The following ADH1A variants were observed in gnomAD, a reference collection of about 807,000 sequenced individuals.
ADH1A encodes the protein alcohol dehydrogenase 1A.
Under a neutral mutation model 35.2 loss-of-function variants are expected in ADH1A, and 29 were observed. The observed-to-expected ratio is 0.82, with a 90% CI of 0.61 to 1.12. The LOEUF (loss-of-function observed/expected upper bound fraction) is 1.12, where lower values mean the gene tolerates loss of function less well. Among genes scored for constraint, ADH1A ranks in the 50% most tolerant of loss-of-function variants. The pLI is 0.00. For missense variants in ADH1A, 469 were observed against 464.7 expected (o/e 1.01, Z -0.09); for synonymous variants, 147 against 164.8 (o/e 0.89, Z 0.83).
At chr4:99,285,634 T>G (rs1733132070) in intron 3 of ADH1A, among the ~76,000 whole-genome samples, 1 of 152,170 alleles carries the variant, frequency 6.6e-6, no homozygotes. Flanking sequence ...TATTAATTTA[T>G]TACTACTAAA....
chr4:99,284,768 C>T lies in ADH1A; in HGVS notation c.295G>A (p.Gly99Arg), dbSNP rs1426875231. Reference sequence around the variant, plus strand: ...GGGTTTTTACAAATTCTGCATTTTCCACACTGAGGAATAGCGAGTGGGATG... The same window carrying T: ...GGGTTTTTACAAATTCTGCATTTTCTACACTGAGGAATAGCGAGTGGGATG... ...KVIPLAIPQCGKCRICKNPES... is the reference protein window; with the variant it reads ...KVIPLAIPQCRKCRICKNPES... The change falls in exon 4 of 9, where the codon GGA becomes AGA. Residue 99 changes from glycine to arginine, a missense_variant. Transcript: ENST00000209668. 3.1e-6 allele frequency: 5 copies of T among 1,614,044 alleles called. No individual in the cohort carries two copies. The highest frequency in any genetic ancestry group is 1.6e-4 in the Middle Eastern group (1 of 6,070).
chr4:99,287,259 G>A (rs1254298554), intron 2 of ADH1A, among the ~76,000 whole-genome samples: 1 of 152,110 alleles, frequency 6.6e-6, no homozygotes, highest in Non-Finnish European at 1.5e-5. Flanking sequence ...AAGAATGCAT[G>A]CCTTTAAAAA....
chr4:99,286,668 G>A (rs1560518961), intron 3 of ADH1A, 182 bp downstream of exon 3: 16 of 971,548 alleles, frequency 1.6e-5, no homozygotes, highest in South Asian at 8.3e-5. Flanking sequence ...GAATACATGC[G>A]TGCCTAAAGA....
At chr4:99,288,997 G>C (rs764980682) in intron 1 of ADH1A, among the ~76,000 whole-genome samples, 2 of 151,916 alleles carry the variant, frequency 1.3e-5, no homozygotes, top group African/African-American at 4.8e-5. Flanking sequence ...AGTTCCCAAA[G>C]TTCATGATAT....
Position 99,284,622 on chromosome 4 carries a change from G to C in ADH1A, c.348-4C>G, listed in dbSNP as rs1733097845. 1.1e-5 allele frequency: 17 copies of C among 1,614,146 alleles called. No individual in the cohort carries two copies. Among genetic ancestry groups the C allele is most frequent in the African/African-American group, 1.3e-5 (1 of 75,058 alleles). On this transcript the variant is annotated splice_polypyrimidine_tract_variant and splice_region_variant and intron_variant, in intron 4 of 8. Coordinates refer to ENST00000209668, the MANE Select transcript of ADH1A (RefSeq NM_000667.4). ...GGTCCCCTGAGGATTGCTTACACTG[G>C]ACAGTGCAATACAAAGACACACAAA...
Position 99,282,433 on chromosome 4 carries a change from G to T in ADH1A, c.741C>A (p.Tyr247Ter), listed in dbSNP as rs990718018. The change falls in exon 6 of 9, where the codon TAC becomes TAA. Residue 247 changes from tyrosine to a stop codon, truncating the protein, a stop_gained. Transcript: ENST00000209668. LOFTEE classifies it high-confidence loss of function. ...TTAGCACCTCCTGGATGGGTTTCTT[G>T]TAGTCTTGAGGGTTGATGCATTCAG... ...GATECINPQD[Y>*]KKPIQEVLKE... 1 of 1,614,108 alleles carries T rather than the reference G, an allele frequency of 6.2e-7. No homozygotes were observed. Among genetic ancestry groups the T allele is most frequent in the Admixed American group, 1.7e-5 (1 of 60,006 alleles).
At chr4:99,276,770 C>G in intron 8 of ADH1A, 122 bp from the exon 9 acceptor site, 3 of 907,192 alleles carry the variant, frequency 3.3e-6, no homozygotes, top group Non-Finnish European at 5.4e-6. Context: ...AATCCCACCC[C>G]CATGCATTCG....
At chr4:99,281,991 T>A (rs116425054) in intron 6 of ADH1A, 3 of 266,496 alleles carry the variant, frequency 1.1e-5, no homozygotes, top group Non-Finnish European at 2.1e-5. Flanking sequence ...TTGTTAAGAA[T>A]GTGGCAGAAA....
chr4:99,284,746 T>G lies in ADH1A; in HGVS notation c.317A>C (p.Asn106Thr). 6.2e-7 allele frequency: 1 copy of G among 1,614,092 alleles called. No homozygotes were observed. Among genetic ancestry groups the G allele is most frequent in the Non-Finnish European group, 8.5e-7 (1 of 1,180,008 alleles). The change falls in exon 4 of 9, where the codon AAC becomes ACC. Residue 106 changes from asparagine (N) to threonine (T), a missense_variant. By Grantham distance (65) the Asn-to-Thr change is moderately conservative (BLOSUM62 0). Coordinates refer to ENST00000209668, the MANE Select transcript of ADH1A (RefSeq NM_000667.4). ...TTTCAAGCAGTAGTTGCTCTCCGGG[T>G]TTTTACAAATTCTGCATTTTCCACA... is the stretch of plus-strand genomic sequence containing the variant. The part of the protein sequence containing the change: ...PQCGKCRICK[N>T]PESNYCLKND...
intron 6 of ADH1A, chr4:99,281,678 T>G (rs1733004864): frequency 6.4e-6 from 1 of 155,734 alleles, no homozygotes; most frequent in African/African-American, 2.4e-5. Flanking sequence ...TTACATGCAT[T>G]GTCTCATGCA....
At chr4:99,281,579 C>T (rs1733002481) in intron 6 of ADH1A, among the ~76,000 whole-genome samples, 1 of 152,042 alleles carries the variant, frequency 6.6e-6, no homozygotes, top group Non-Finnish European at 1.5e-5. Flanking sequence ...GTACTTCAGC[C>T]TAAGTGACAG....
intron 5 of ADH1A, among the ~76,000 whole-genome samples, chr4:99,283,557 A>C (rs1733057188): frequency 6.6e-6 from 1 of 152,200 alleles, no homozygotes; most frequent in African/African-American, 2.4e-5. Flanking sequence ...TTAGAAAAAT[A>C]CAAGGCTTGT....
rs763462866 is a variant in ADH1A, at chr4:99,284,398, C to T, written c.567+1G>A. On this transcript the variant is annotated splice_donor_variant, in intron 5 of 8. Transcript: ENST00000209668. LOFTEE classifies it high-confidence loss of function. ...TTTTTATCACCCATTGCCATTCTTA[C>T]CTTGGCAACATTGACTGCAGACCCA... The T allele has an allele frequency of 6.2e-7, 1 of 1,614,038 alleles. No individual in the cohort carries two copies. Among genetic ancestry groups the T allele is most frequent in the Non-Finnish European group, 8.5e-7 (1 of 1,179,926 alleles).
At chr4:99,282,304 A>G in intron 6 of ADH1A, 42 bp downstream of exon 6, 2 of 1,614,156 alleles carry the variant, frequency 1.2e-6, no homozygotes, top group Non-Finnish European at 1.7e-6. Context: ...GCATCCTCCA[A>G]GTTGTAGAGG....
At chr4:99,282,097 A>T in intron 6 of ADH1A, 1 of 616,976 alleles carries the variant, frequency 1.6e-6, no homozygotes, top group Non-Finnish European at 2.7e-6. Context: ...ATCTATTATC[A>T]CTCAGTTAAG....
rs753003356 is a variant in ADH1A, at chr4:99,282,469, C to G, written c.705G>C (p.Glu235Asp). Residue 235 changes from glutamate to aspartate, a missense_variant, in exon 6 of 9, where the codon GAG (glutamate) becomes GAC (aspartate). Coordinates refer to ENST00000209668, the MANE Select transcript of ADH1A (RefSeq NM_000667.4). ...GGTTGATGCATTCAGTGGCACCCAACTCTTTGGCCTTTGCAAATTTGTCCT... is the reference window on the plus strand; with the variant it reads ...GGTTGATGCATTCAGTGGCACCCAAGTCTTTGGCCTTTGCAAATTTGTCCT... ...INKDKFAKAK[E>D]LGATECINPQ... is the part of the protein sequence containing the mutation. 5.6e-6 allele frequency: 9 copies of G among 1,614,146 alleles called. No homozygotes were observed. Among genetic ancestry groups the G allele is most frequent in the Non-Finnish European group, 7.6e-6 (9 of 1,180,026 alleles).
At chr4:99,290,187 C>A (rs1398861828) in intron 1 of ADH1A, among the ~76,000 whole-genome samples, 2 of 152,048 alleles carry the variant, frequency 1.3e-5, no homozygotes, top group African/African-American at 4.8e-5. Flanking sequence ...AAGGCAAAAC[C>A]AAATATCTGT....
chr4:99,280,242 G>C lies in ADH1A; in HGVS notation c.866C>G (p.Thr289Arg), dbSNP rs764109376. 5.0e-6 allele frequency: 8 copies of C among 1,613,792 alleles called. No individual in the cohort carries two copies. Among genetic ancestry groups the C allele is most frequent in the Admixed American group, 3.3e-5 (2 of 59,984 alleles). ...AGGAGGTACCCCTACGATGACACTT[G>C]TGCCACATGCCTCATGACAACATAA... ...SLLCCHEACG[T>R]SVIVGVPPDS... The change falls in exon 7 of 9, where the codon ACA (threonine) becomes AGA (arginine). Residue 289 changes from threonine (T) to arginine (R), a missense_variant. Transcript: ENST00000209668.
In ADH1A at chr4:99,282,611, G is replaced by A. The variant is rs760170754; in HGVS notation, c.568-5C>T. 2.5e-6 allele frequency: 4 copies of A among 1,606,292 alleles called. No homozygotes were observed. Among genetic ancestry groups the A allele is most frequent in the Non-Finnish European group, 2.5e-6 (3 of 1,176,952 alleles). On this transcript the variant is annotated splice_polypyrimidine_tract_variant and splice_region_variant and intron_variant, in intron 5 of 8. Transcript: ENST00000209668. Reference sequence around the variant, plus strand: ...ACAGGTAGAGCCTGGGGTGACCTGTGTTTTCAGAAAATGCAAAAATGGATT... The same window carrying A: ...ACAGGTAGAGCCTGGGGTGACCTGTATTTTCAGAAAATGCAAAAATGGATT...
Sources: allele counts gnomAD v4.1 joint callset (sites outside exome capture counted in the v4.1 genomes callset), GRCh38; gene constraint gnomAD v4.1.1; transcripts MANE v1.5; gene names NCBI Gene and HGNC (gene_info 2026-07-23, HGNC 2026-07-21).